Variants in EXOC4 observed in about 807,000 individuals in gnomAD.
The protein encoded by EXOC4 is SEC8-like 1.
A neutral mutation model predicts 107.2 loss-of-function variants in EXOC4; 71 were observed. The ratio of observed to expected loss-of-function variants is 0.66; its 90% CI spans 0.55 to 0.81. EXOC4 has a LOEUF of 0.81. Among genes scored for constraint, EXOC4 ranks in the 30% least tolerant of loss-of-function variants. The probability of loss-of-function intolerance (pLI) is 0.00; values close to 1 mark genes in which losing one functional copy is unlikely to be tolerated. For synonymous variants in EXOC4, 456 were observed against 441.2 expected (o/e 1.03, Z -0.42); for missense variants, 1,108 against 1,189.6 (o/e 0.93, Z 1.01).
At chr7:133,941,821 T>TTCTCTCTCTCTCTCTC (rs67720946) in intron 14 of EXOC4, among the ~76,000 whole-genome samples, 2,315 of 129,538 alleles carry the variant, frequency 0.018, 89 homozygotes, top group East Asian at 0.032. Context: ...TGCTTACAGA[T>TTCTCTCTCTCTCTCTC]TCTCTCTCTC....
intron 9 of EXOC4, among the ~76,000 whole-genome samples, chr7:133,502,610 G>C (rs1173888168): frequency 1.3e-5 from 2 of 152,058 alleles, no homozygotes; most frequent in Non-Finnish European, 2.9e-5. Flanking sequence ...TAGGTAGTGA[G>C]TTATGTCAAG....
chr7:133,709,983 A>G (rs1169071962), intron 10 of EXOC4, among the ~76,000 whole-genome samples: 1 of 152,228 alleles, frequency 6.6e-6, no homozygotes, highest in Non-Finnish European at 1.5e-5. Context: ...GGTCACCATT[A>G]TCCTCTTAGC....
intron 17 of EXOC4, among the ~76,000 whole-genome samples, chr7:134,040,534 G>A (rs1283911889): frequency 6.6e-6 from 1 of 151,976 alleles, no homozygotes; most frequent in Non-Finnish European, 1.5e-5. Flanking sequence ...TCATTGCCAT[G>A]TTACTTGAAA....
intron 3 of EXOC4, among the ~76,000 whole-genome samples, chr7:133,292,976 T>G (rs907339626): frequency 6.6e-6 from 1 of 152,222 alleles, no homozygotes; most frequent in Non-Finnish European, 1.5e-5. Flanking sequence ...TTCTCTAGTG[T>G]CTAACCTTCC....
At chr7:133,627,176 A>C (rs976504096) in intron 9 of EXOC4, among the ~76,000 whole-genome samples, 6 of 152,198 alleles carry the variant, frequency 3.9e-5, no homozygotes, top group African/African-American at 1.4e-4. Flanking sequence ...CTGTTAATGA[A>C]ATTGTGGACT....
intron 10 of EXOC4, among the ~76,000 whole-genome samples, chr7:133,717,429 G>A (rs1468319454): frequency 6.6e-6 from 1 of 152,146 alleles, no homozygotes; most frequent in African/African-American, 2.4e-5. Flanking sequence ...TTTTGGCTGT[G>A]CACATGCTTG....
downstream of EXOC4, among the ~76,000 whole-genome samples, chr7:134,070,546 C>T (rs544571801): frequency 3.9e-5 from 6 of 152,194 alleles, no homozygotes; most frequent in South Asian, 1.2e-3. Context: ...ACGCAAACAC[C>T]AGGAAAGAAT....
intron 11 of EXOC4, among the ~76,000 whole-genome samples, chr7:133,844,099 T>A (rs553029099): frequency 6.6e-6 from 1 of 152,266 alleles, no homozygotes; most frequent in African/African-American, 2.4e-5. Context: ...ATCTATATTT[T>A]ATTAAGGATA....
chr7:133,492,714 G>GGGCACT (rs1198810742), intron 9 of EXOC4, among the ~76,000 whole-genome samples: 3 of 151,934 alleles, frequency 2.0e-5, no homozygotes, highest in Non-Finnish European at 4.4e-5. Flanking sequence ...TTAAGAATAT[G>GGGCACT]AATTCTTTAA....
At chr7:133,393,996 C>T (rs1796915068) in intron 7 of EXOC4, among the ~76,000 whole-genome samples, 2 of 152,204 alleles carry the variant, frequency 1.3e-5, no homozygotes, top group African/African-American at 4.8e-5. Flanking sequence ...GCACTTAAAT[C>T]ATCCCTATAT....
rs115137395 is a variant in EXOC4, at chr7:133,912,631, C to A, written c.1872-4952C>A. 2.4e-3 allele frequency among the ~76,000 whole-genome samples: 366 copies of A among 152,102 alleles called. 5 individuals are homozygous for A. Among genetic ancestry groups the A allele is most frequent in the African/African-American group, 8.2e-3 (342 of 41,522 alleles). On this transcript the variant is annotated intron_variant, in intron 12 of 17. Transcript: ENST00000253861. ...AATTGAAGAGGGCTTCTTTTTATCT[C>A]TACTTCAGTTCTTATATGCCTTCTA...
At chr7:134,051,385 T>C (rs1795783167) in intron 17 of EXOC4, among the ~76,000 whole-genome samples, 1 of 152,102 alleles carries the variant, frequency 6.6e-6, no homozygotes, top group Non-Finnish European at 1.5e-5. Flanking sequence ...AAATGTGGCT[T>C]CATGGGGCCA....
chr7:134,020,413 C>G (rs959236971), intron 17 of EXOC4, among the ~76,000 whole-genome samples: 4 of 152,182 alleles, frequency 2.6e-5, no homozygotes, highest in East Asian at 1.9e-4. Flanking sequence ...TCATGTTTCT[C>G]CTTTAGTCCC....
At chr7:133,532,568 C>G (rs1212597837) in intron 9 of EXOC4, among the ~76,000 whole-genome samples, 4 of 152,050 alleles carry the variant, frequency 2.6e-5, no homozygotes, top group African/African-American at 9.7e-5. Flanking sequence ...AAACATAGTT[C>G]TAGGAGAAAG....
chr7:133,617,429 A>C (rs56868289), intron 9 of EXOC4, among the ~76,000 whole-genome samples: 20,627 of 152,206 alleles, frequency 0.14, 1,536 homozygotes, highest in East Asian at 0.23. Context: ...ATAAAACATT[A>C]AAAAATGTGT....
At chr7:133,341,822 G>A (rs1795667295) in intron 5 of EXOC4, among the ~76,000 whole-genome samples, 2 of 152,112 alleles carry the variant, frequency 1.3e-5, no homozygotes, top group African/African-American at 4.8e-5. Context: ...TTGCTTTAAA[G>A]TTTGTTTTGT....
Position 133,389,487 on chromosome 7 carries a change from C to T in EXOC4, c.1182+14485C>T, listed in dbSNP as rs532212573. Among the ~76,000 whole-genome samples, 6 of 149,070 alleles carry T rather than the reference C, an allele frequency of 4.0e-5. No homozygotes were observed. The South Asian group carries it at 8.7e-4, about 22-fold the overall frequency. ...ACTTGGGAGGCTGAGGCAGGAGAAT[C>T]GCTTGAACCCAGGAGGCGGAGCTTG... On this transcript the variant is annotated intron_variant, in intron 7 of 17. Coordinates refer to ENST00000253861, the MANE Select transcript of EXOC4 (RefSeq NM_021807.4).
intron 17 of EXOC4, among the ~76,000 whole-genome samples, chr7:134,034,446 T>C (rs536988060): frequency 1.3e-3 from 196 of 152,284 alleles, no homozygotes; most frequent in African/African-American, 4.2e-3. Context: ...ATCCCCATAA[T>C]CTGTACATGT....
intron 10 of EXOC4, among the ~76,000 whole-genome samples, chr7:133,745,878 G>GTGTCTGGCACAAGACTTCTC (rs1263820505): frequency 3.3e-5 from 5 of 152,010 alleles, no homozygotes; most frequent in African/African-American, 1.2e-4. Context: ...CTAATGCCAA[G>GTGTCTGGCACAAGACTTCTC]TGTCTGGCAC....
Sources: allele counts gnomAD v4.1 joint callset (sites outside exome capture counted in the v4.1 genomes callset), GRCh38; gene constraint gnomAD v4.1.1; transcripts MANE v1.5; gene names NCBI Gene and HGNC (gene_info 2026-07-23, HGNC 2026-07-21).